DNAH7: variants seen among roughly 807,000 people sequenced by gnomAD.
DNAH7 encodes axonemal beta dynein heavy chain 7.
DNAH7 carries 397 observed loss-of-function variants against 444.6 expected under a neutral mutation model. That is an observed-to-expected ratio of 0.89 (90% confidence interval 0.82 to 0.97). The LOEUF is 0.97. Among genes scored for constraint, DNAH7 ranks in the 50% least tolerant of loss-of-function variants. The pLI, the probability that DNAH7 is intolerant of heterozygous loss-of-function variation, is 0.00. For missense variants in DNAH7, 4,902 were observed against 4,800.8 expected (o/e 1.02, Z -0.62); for synonymous variants, 1,636 against 1,624.4 (o/e 1.01, Z -0.17).
intron 19 of DNAH7, among the ~76,000 whole-genome samples, chr2:195,937,662 C>T (rs1559246211): frequency 6.6e-6 from 1 of 151,976 alleles, no homozygotes; most frequent in African/African-American, 2.4e-5. Flanking sequence ...AAAATACAGC[C>T]TAGATATAGT....
chr2:195,997,974 C>T (rs1283770478), intron 12 of DNAH7, among the ~76,000 whole-genome samples: 1 of 152,172 alleles, frequency 6.6e-6, no homozygotes, highest in Non-Finnish European at 1.5e-5. Context: ...ACCTTAATGA[C>T]AGGCAATTTA....
At chr2:195,822,062 CATAGAT>C (rs767097012) in intron 49 of DNAH7, among the ~76,000 whole-genome samples, 2 of 152,150 alleles carry the variant, frequency 1.3e-5, no homozygotes, top group African/African-American at 4.8e-5. Context: ...CTATAGACTA[CATAGAT>C]ATAATCATAA....
rs569905194 is a variant in DNAH7, at chr2:196,068,516, G to A, written c.15+181C>T. ...GACCAAGGGCAAACAGCTGGGAAGG[G>A]AACTTATAAGGGCATTCACGGAAAG... On this transcript the variant is annotated intron_variant, in intron 1 of 64. Coordinates refer to ENST00000312428, the MANE Select transcript of DNAH7 (RefSeq NM_018897.3). 37 of 776,886 alleles carry A rather than the reference G, an allele frequency of 4.8e-5. No homozygotes were observed. The South Asian group carries it at 7.3e-4, about 15-fold the overall frequency. 48.1% of individuals were successfully genotyped at this position (776,886 alleles called of 1,614,324 possible).
At chr2:196,055,923 T>A (rs1697773778) in intron 2 of DNAH7, among the ~76,000 whole-genome samples, 1 of 152,232 alleles carries the variant, frequency 6.6e-6, no homozygotes, top group Non-Finnish European at 1.5e-5. Flanking sequence ...TCACTCTAGG[T>A]GAAGAAGGGT....
intron 49 of DNAH7, among the ~76,000 whole-genome samples, chr2:195,819,814 T>G (rs1398089926): frequency 6.6e-6 from 1 of 152,190 alleles, no homozygotes; most frequent in African/African-American, 2.4e-5. Context: ...GGCAGAAAGT[T>G]TCAACCTTGG....
intron 1 of DNAH7, among the ~76,000 whole-genome samples, chr2:196,059,041 A>G (rs1281994258): frequency 6.6e-6 from 1 of 152,190 alleles, no homozygotes; most frequent in African/African-American, 2.4e-5. Context: ...TGGGCAATTG[A>G]TTTTTCATGA....
In DNAH7 at chr2:195,926,474, T is replaced by G; in HGVS notation, c.3564A>C (p.Gln1188His). ...TTTGTACTTCTTTTGTCCAAAAGAT[T>G]TGGGATACACAGAGAACAGTCTGTC... ...WPGQTVLCVS[Q>H]IFWTKEVQTA... Residue 1188 changes from glutamine to histidine, a missense_variant, in exon 22 of 65, where the codon CAA becomes CAC. Coordinates refer to ENST00000312428, the MANE Select transcript of DNAH7 (RefSeq NM_018897.3). The G allele has an allele frequency of 1.2e-6, 2 of 1,602,714 alleles. No homozygotes were observed. Among genetic ancestry groups the G allele is most frequent in the Non-Finnish European group, 1.7e-6 (2 of 1,175,348 alleles).
At chr2:195,825,237 C>T (rs2124919765) in intron 48 of DNAH7, 1 of 149,734 alleles carries the variant, frequency 6.7e-6, no homozygotes, top group African/African-American at 2.5e-5. Context: ...CAGCTTGGGC[C>T]ACAGAGCAAT....
chr2:195,866,985 T>C (rs1700380076), intron 40 of DNAH7, among the ~76,000 whole-genome samples: 1 of 152,232 alleles, frequency 6.6e-6, no homozygotes, highest in Non-Finnish European at 1.5e-5. Flanking sequence ...ATGTGAGAGA[T>C]GCCTTTCACC....
At chr2:195,872,977 T>C (rs537989923) in intron 39 of DNAH7, among the ~76,000 whole-genome samples, 19 of 152,004 alleles carry the variant, frequency 1.2e-4, no homozygotes, top group Non-Finnish European at 1.5e-5. Flanking sequence ...AAGTGCATGA[T>C]TAGAGTATAA....
At chr2:195,841,561 G>C (rs1559136367) in intron 47 of DNAH7, among the ~76,000 whole-genome samples, 1 of 151,908 alleles carries the variant, frequency 6.6e-6, no homozygotes, top group African/African-American at 2.4e-5. Context: ...ATTGTGGAAA[G>C]CTGTATGCAA....
At chr2:195,746,388 CAAT>C (rs1035610367) in intron 63 of DNAH7, among the ~76,000 whole-genome samples, 8 of 152,104 alleles carry the variant, frequency 5.3e-5, no homozygotes, top group Non-Finnish European at 8.8e-5. Flanking sequence ...GACTCCCACA[CAAT>C]AATAATGAGA....
intron 64 of DNAH7, among the ~76,000 whole-genome samples, chr2:195,740,061 G>A (rs1046748439): frequency 3.3e-5 from 5 of 152,036 alleles, no homozygotes; most frequent in East Asian, 3.9e-4. Flanking sequence ...TAAGCTCACC[G>A]CAACCTCCAC....
intron 24 of DNAH7, among the ~76,000 whole-genome samples, chr2:195,915,571 T>G (rs1687625329): frequency 6.6e-6 from 1 of 152,222 alleles, no homozygotes; most frequent in Non-Finnish European, 1.5e-5. Context: ...TCTTTCTATC[T>G]TTCCTCTTTT....
At chr2:195,968,972 C>G (rs1691663893) in intron 17 of DNAH7, among the ~76,000 whole-genome samples, 1 of 152,256 alleles carries the variant, frequency 6.6e-6, no homozygotes. Flanking sequence ...TGTACAGATT[C>G]TCTCTCTGCA....
intron 25 of DNAH7, among the ~76,000 whole-genome samples, chr2:195,907,341 A>T (rs1196789033): frequency 6.6e-6 from 1 of 152,112 alleles, no homozygotes; most frequent in Non-Finnish European, 1.5e-5. Context: ...TGGATTTTAT[A>T]GCATAGGTTA....
At chr2:195,929,646 G>A (rs1401858392) in intron 21 of DNAH7, among the ~76,000 whole-genome samples, 1 of 152,122 alleles carries the variant, frequency 6.6e-6, no homozygotes, top group Non-Finnish European at 1.5e-5. Context: ...TCAATAAACG[G>A]TGCTTAAATA....
intron 48 of DNAH7, among the ~76,000 whole-genome samples, chr2:195,826,409 C>T (rs1697752066): frequency 6.6e-6 from 1 of 152,132 alleles, no homozygotes; most frequent in Admixed American, 6.5e-5. Context: ...ATAGGACAGG[C>T]AATCAAAATA....
chr2:195,961,439 C>T (rs547840975), intron 17 of DNAH7, among the ~76,000 whole-genome samples: 1 of 152,278 alleles, frequency 6.6e-6, no homozygotes, highest in Non-Finnish European at 1.5e-5. Flanking sequence ...CTACTCTCTG[C>T]TTCTATGAAT....
Sources: gnomAD v4.1 joint callset for allele counts (sites outside exome capture counted in the v4.1 genomes callset) on GRCh38, gnomAD v4.1.1 for gene constraint, MANE v1.5 for transcripts, NCBI Gene and HGNC (gene_info 2026-07-23, HGNC 2026-07-21) for gene names.